Variants in RARB observed in about 807,000 individuals in gnomAD.
RARB encodes retinoic acid receptor beta, also known as HBV-activated protein.
In RARB, 17 loss-of-function variants were observed where a neutral mutation model predicts 51.9. The observed-to-expected ratio is 0.33, with a 90% CI of 0.22 to 0.49. The LOEUF is 0.49. RARB is among the 20% of genes least tolerant of loss of function. The pLI is 0.99. For synonymous variants in RARB, 215 were observed against 195.4 expected, an observed-to-expected ratio of 1.10 and a Z score of -0.84; for missense variants, 369 against 550.8, an observed-to-expected ratio of 0.67 and a Z score of 3.30.
chr3:25,206,980 T>A (rs1701565265), intron 5 of RARB, among the ~76,000 whole-genome samples: 6 of 152,348 alleles, frequency 3.9e-5, no homozygotes, highest in Admixed American at 3.9e-4. Flanking sequence ...TTGCAGAATT[T>A]ACCCTGACAT....
chr3:24,986,701 G>T (rs1422346382), intron 2 of RARB, among the ~76,000 whole-genome samples: 1 of 152,146 alleles, frequency 6.6e-6, no homozygotes, highest in Non-Finnish European at 1.5e-5. Flanking sequence ...TGCAGCGTGT[G>T]TGTTTTATGG....
At chr3:25,328,409 A>G (rs1170913239) in intron 5 of RARB, among the ~76,000 whole-genome samples, 1 of 152,252 alleles carries the variant, frequency 6.6e-6, no homozygotes, top group Admixed American at 6.5e-5. Context: ...AATCCCAGCT[A>G]CTAGAGAGGC....
intron 2 of RARB, among the ~76,000 whole-genome samples, chr3:24,957,088 C>T (rs540121283): frequency 6.6e-6 from 1 of 152,302 alleles, no homozygotes; most frequent in East Asian, 1.9e-4. Context: ...GTGATGTCTT[C>T]TGAGGGCAAT....
chr3:25,146,535 T>A (rs1306168953), intron 4 of RARB, among the ~76,000 whole-genome samples: 2 of 134,870 alleles, frequency 1.5e-5, no homozygotes. Flanking sequence ...GAGACAAGAG[T>A]CTCGCTCTGT....
chr3:24,866,471 T>C (rs1305242178), intron 2 of RARB, among the ~76,000 whole-genome samples: 5 of 152,156 alleles, frequency 3.3e-5, no homozygotes, highest in Middle Eastern at 3.2e-3. Context: ...TCTTTTCTCA[T>C]GTACCCATGG....
chr3:25,350,509 A>C (rs1250151699), intron 5 of RARB, among the ~76,000 whole-genome samples: 1 of 152,164 alleles, frequency 6.6e-6, no homozygotes, highest in East Asian at 1.9e-4. Flanking sequence ...TCTTCTAGCT[A>C]CTTTATCTCC....
At chr3:25,044,387 T>C (rs1164293263) in intron 2 of RARB, among the ~76,000 whole-genome samples, 1 of 152,202 alleles carries the variant, frequency 6.6e-6, no homozygotes, top group Non-Finnish European at 1.5e-5. Flanking sequence ...CCTAGCACTC[T>C]ACCAAATGTA....
chr3:25,555,939 G>T (rs1017575662), intron 3 of RARB, among the ~76,000 whole-genome samples: 6 of 152,128 alleles, frequency 3.9e-5, no homozygotes, highest in Admixed American at 1.3e-4. Flanking sequence ...GGAAAAGGAA[G>T]GGCAAAGGGA....
chr3:24,954,241 A>C (rs1250431498), intron 2 of RARB, among the ~76,000 whole-genome samples: 4 of 152,218 alleles, frequency 2.6e-5, no homozygotes, highest in Non-Finnish European at 5.9e-5. Context: ...GTTTTATAAA[A>C]TGATGGTGAG....
intron 3 of RARB, among the ~76,000 whole-genome samples, chr3:25,082,219 C>A (rs1486051262): frequency 1.3e-5 from 2 of 150,982 alleles, no homozygotes; most frequent in Non-Finnish European, 2.9e-5. Flanking sequence ...TGTATCCAGT[C>A]AGTTTATTCC....
chr3:24,988,332 A>G (rs1004868709), intron 2 of RARB, among the ~76,000 whole-genome samples: 1 of 152,192 alleles, frequency 6.6e-6, no homozygotes, highest in Non-Finnish European at 1.5e-5. Flanking sequence ...CAAGAATGCA[A>G]TGTTTCTGGT....
chr3:25,182,122 A>ATACAGCAGGTGATATGTGT (rs1199890748), intron 5 of RARB, among the ~76,000 whole-genome samples: 1 of 152,230 alleles, frequency 6.6e-6, no homozygotes, highest in Non-Finnish European at 1.5e-5. Context: ...TTTTGGAATC[A>ATACAGCAGGTGATATGTGT]TACAGCAGGT....
At position 25,428,904 on chromosome 3, in the gene RARB, T is replaced by A. The variant is rs1259746782; in HGVS notation, c.157+16T>A. The A allele has an allele frequency of 6.3e-7, 1 of 1,580,100 alleles. No homozygotes were observed. The highest frequency in any genetic ancestry group is 1.4e-5 in the African/African-American group (1 of 73,724). ...ACTGCTCAATGTAGGTTTATTTTTT[T>A]CCCTTCTTCTACCAAGAAAAAAAAA... is the stretch of plus-strand genomic sequence containing the variant. On this transcript the variant is annotated intron_variant, in intron 1 of 7. Transcript: ENST00000330688.
chr3:25,260,832 A>G (rs925037554), intron 5 of RARB, among the ~76,000 whole-genome samples: 1 of 152,134 alleles, frequency 6.6e-6, no homozygotes, highest in African/African-American at 2.4e-5. Context: ...TTCTTGTTTT[A>G]TCTGTTTAAT....
intron 2 of RARB, among the ~76,000 whole-genome samples, chr3:25,023,837 A>G (rs1028896738): frequency 6.6e-6 from 1 of 152,216 alleles, no homozygotes; most frequent in African/African-American, 2.4e-5. Flanking sequence ...TTTAGGGTAC[A>G]TTAAAAAGTA....
intron 5 of RARB, among the ~76,000 whole-genome samples, chr3:25,367,645 A>G (rs1402367508): frequency 1.9e-5 from 2 of 102,884 alleles, no homozygotes; most frequent in African/African-American, 8.2e-5. Context: ...GTAAAAACCC[A>G]TCTCTATAAA....
chr3:25,592,281 C>A (rs898968572), intron 5 of RARB, among the ~76,000 whole-genome samples: 2 of 152,208 alleles, frequency 1.3e-5, no homozygotes, highest in Non-Finnish European at 2.9e-5. Context: ...CAGGACTATA[C>A]CCAGTCAAAT....
intron 2 of RARB, among the ~76,000 whole-genome samples, chr3:24,865,619 A>G (rs1473595148): frequency 6.6e-6 from 1 of 152,110 alleles, no homozygotes; most frequent in Non-Finnish European, 1.5e-5. Flanking sequence ...TGATTTTCTT[A>G]TATTTATTAT....
At chr3:24,912,006 G>T (rs375777801) in intron 2 of RARB, among the ~76,000 whole-genome samples, 1 of 152,204 alleles carries the variant, frequency 6.6e-6, no homozygotes, top group Non-Finnish European at 1.5e-5. Flanking sequence ...GACGTGCAAT[G>T]ATAAAAAAAC....
Sources: allele counts gnomAD v4.1 joint callset (sites outside exome capture counted in the v4.1 genomes callset), GRCh38; gene constraint gnomAD v4.1.1; transcripts MANE v1.5; gene names NCBI Gene and HGNC (gene_info 2026-07-23, HGNC 2026-07-21).